NAALADL2: variants seen among roughly 807,000 people sequenced by gnomAD.
NAALADL2 encodes N-acetylated alpha-linked acidic dipeptidase like 2.
In NAALADL2, 76 loss-of-function variants were observed where a neutral mutation model predicts 87.2. The ratio of observed to expected loss-of-function variants is 0.87; its 90% CI spans 0.72 to 1.05. The LOEUF (loss-of-function observed/expected upper bound fraction) is 1.05. Among genes scored for constraint, NAALADL2 ranks in the 50% least tolerant of loss-of-function variants. The pLI is 0.00. For synonymous variants in NAALADL2, 354 were observed against 331.0 expected, an observed-to-expected ratio of 1.07 and a Z score of -0.75; for missense variants, 1,089 against 945.8, an observed-to-expected ratio of 1.15 and a Z score of -1.99.
chr3:175,098,494 A>C (rs1467592760), intron 2 of NAALADL2, among the ~76,000 whole-genome samples: 3 of 152,156 alleles, frequency 2.0e-5, no homozygotes, highest in South Asian at 4.1e-4. Context: ...GTCTGTGCAC[A>C]CAAGGGCAGA....
rs553939887 is a variant in NAALADL2 at position 174,717,848 on chromosome 3, G to A, written c.-114-19793G>A. ...TTTACAAGAAGTTTCCTCCTTGGCCGGGCATGGTGGCTCATGCCTGTAATC... is the reference window on the plus strand; with the variant it reads ...TTTACAAGAAGTTTCCTCCTTGGCCAGGCATGGTGGCTCATGCCTGTAATC... On this transcript the variant is annotated intron_variant, in intron 2 of 3. Coordinates refer to the NAALADL2 transcript ENST00000434257. Among the ~76,000 whole-genome samples, 11 of 152,164 alleles carry A rather than the reference G, an allele frequency of 7.2e-5. No homozygotes were observed. In the South Asian group the frequency reaches 8.3e-4, roughly 11 times the overall value.
intron 12 of NAALADL2, among the ~76,000 whole-genome samples, chr3:175,744,480 C>T (rs1483397564): frequency 6.6e-6 from 1 of 152,104 alleles, no homozygotes; most frequent in Non-Finnish European, 1.5e-5. Context: ...GAGATGTACC[C>T]ATATTAGAAA....
intron 2 of NAALADL2, among the ~76,000 whole-genome samples, chr3:174,686,237 G>A (rs1231330967): frequency 2.0e-5 from 3 of 152,024 alleles, no homozygotes; most frequent in African/African-American, 7.2e-5. Context: ...TCTTTGAGAA[G>A]TTGCCACACT....
chr3:174,566,211 T>C (rs940647883), intron 2 of NAALADL2, among the ~76,000 whole-genome samples: 1 of 151,942 alleles, frequency 6.6e-6, no homozygotes, highest in African/African-American at 2.4e-5. Flanking sequence ...TTTTCATTTT[T>C]CAATAAAATC....
chr3:174,957,078 G>A (rs1741250747), intron 1 of NAALADL2, among the ~76,000 whole-genome samples: 1 of 151,894 alleles, frequency 6.6e-6, no homozygotes, highest in Non-Finnish European at 1.5e-5. Flanking sequence ...TACAAGGGAT[G>A]CTTATTTTTT....
intron 5 of NAALADL2, among the ~76,000 whole-genome samples, chr3:175,373,630 G>A (rs192144092): frequency 3.9e-5 from 6 of 152,252 alleles, no homozygotes; most frequent in Non-Finnish European, 7.4e-5. Context: ...GAATGTTCAC[G>A]TACAAGCCTT....
chr3:174,954,852 C>T (rs767957888), intron 1 of NAALADL2, among the ~76,000 whole-genome samples: 4 of 152,024 alleles, frequency 2.6e-5, no homozygotes, highest in African/African-American at 9.7e-5. Flanking sequence ...AACATTCATA[C>T]ATGTAATTAA....
intron 9 of NAALADL2, among the ~76,000 whole-genome samples, chr3:175,480,225 C>G (rs1470665311): frequency 6.6e-6 from 1 of 151,758 alleles, no homozygotes; most frequent in Non-Finnish European, 1.5e-5. Context: ...GGCTCTAAAT[C>G]TACAAGCCAT....
chr3:175,102,464 T>G (rs1454467501), intron 2 of NAALADL2, among the ~76,000 whole-genome samples: 1 of 152,192 alleles, frequency 6.6e-6, no homozygotes. Context: ...TAAAGGAGTT[T>G]CCCCATGGCT....
chr3:174,921,081 C>T (rs1211286694), intron 1 of NAALADL2, among the ~76,000 whole-genome samples: 1 of 152,036 alleles, frequency 6.6e-6, no homozygotes, highest in Non-Finnish European at 1.5e-5. Context: ...AATGAAGAAA[C>T]TAAAAATATT....
intron 10 of NAALADL2, among the ~76,000 whole-genome samples, chr3:175,619,201 C>T (rs568708050): frequency 7.1e-6 from 1 of 140,274 alleles, no homozygotes; most frequent in Non-Finnish European, 1.5e-5. Context: ...AGATTCTCCT[C>T]AGACAAAAAA....
At chr3:175,218,399 G>A (rs978500688) in intron 2 of NAALADL2, among the ~76,000 whole-genome samples, 1 of 152,112 alleles carries the variant, frequency 6.6e-6, no homozygotes, top group Non-Finnish European at 1.5e-5. Flanking sequence ...CTCATGATAA[G>A]GTAATCTGAG....
At chr3:174,882,449 G>T (rs1348406873) in intron 1 of NAALADL2, among the ~76,000 whole-genome samples, 7 of 150,266 alleles carry the variant, frequency 4.7e-5, no homozygotes, top group Admixed American at 3.3e-4. Flanking sequence ...ATATATGTGT[G>T]TATATATACA....
chr3:174,703,679 T>C (rs1450861136), intron 2 of NAALADL2, among the ~76,000 whole-genome samples: 1 of 152,164 alleles, frequency 6.6e-6, no homozygotes, highest in Non-Finnish European at 1.5e-5. Flanking sequence ...GATTTTTAGC[T>C]ACACCAGATT....
chr3:175,322,050 A>G (rs1407068857), intron 4 of NAALADL2, among the ~76,000 whole-genome samples: 1 of 151,830 alleles, frequency 6.6e-6, no homozygotes, highest in Non-Finnish European at 1.5e-5. Context: ...AGCCAAAAGA[A>G]CAAAGCTGGA....
At chr3:175,667,241 A>AAGAAAGAAAAAGAAAG (rs1182682303) in intron 11 of NAALADL2, among the ~76,000 whole-genome samples, 60 of 91,756 alleles carry the variant, frequency 6.5e-4, no homozygotes, top group African/African-American at 2.4e-3. Flanking sequence ...GAAAGAAAGA[A>AAGAAAGAAAAAGAAAG]AAAGAAAGAA....
intron 3 of NAALADL2, among the ~76,000 whole-genome samples, chr3:174,763,593 A>AAAAAAAAAT (rs1430021180): frequency 6.7e-6 from 1 of 148,870 alleles, no homozygotes; most frequent in Non-Finnish European, 1.5e-5. Context: ...TCTCAAAAAA[A>AAAAAAAAAT]AAAAAAAAGA....
At chr3:174,607,691 A>T (rs1719268261) in intron 2 of NAALADL2, among the ~76,000 whole-genome samples, 1 of 152,094 alleles carries the variant, frequency 6.6e-6, no homozygotes, top group Admixed American at 6.5e-5. Context: ...CTACAAAGAC[A>T]CTTAGACTCC....
chr3:175,070,449 A>AG (rs1342178580), intron 1 of NAALADL2, among the ~76,000 whole-genome samples: 3 of 152,064 alleles, frequency 2.0e-5, no homozygotes, highest in Non-Finnish European at 2.9e-5. Flanking sequence ...GACTTGTCTC[A>AG]AAGTGTCTTG....
Sources: gnomAD v4.1 joint callset for allele counts (sites outside exome capture counted in the v4.1 genomes callset) on GRCh38, gnomAD v4.1.1 for gene constraint, MANE v1.5 for transcripts, NCBI Gene and HGNC (gene_info 2026-07-23, HGNC 2026-07-21) for gene names.